The following MFSD2A variants were observed in gnomAD, a reference collection of about 807,000 sequenced individuals.
MFSD2A encodes the protein sodium-dependent lysophosphatidylcholine symporter 1.
A neutral mutation model predicts 64.7 loss-of-function variants in MFSD2A; 27 were observed. The ratio of observed to expected loss-of-function variants is 0.42; its 90% CI spans 0.31 to 0.58. The LOEUF (loss-of-function observed/expected upper bound fraction) is 0.58, where lower values mean the gene tolerates loss of function less well. Among genes scored for constraint, MFSD2A ranks in the 20% least tolerant of loss-of-function variants. The pLI is 0.18. For synonymous variants in MFSD2A, 258 were observed against 273.4 expected (o/e 0.94, Z 0.55); for missense variants, 474 against 679.5 (o/e 0.70, Z 3.36).
Position 39,967,804 on chromosome 1 carries a change from T to C in MFSD2A, c.1096T>C (p.Ser366Pro), listed in dbSNP as rs562830836. 4 of 1,612,828 alleles carry C rather than the reference T, an allele frequency of 2.5e-6. No individual in the cohort carries two copies. The African/African-American group carries it at 5.3e-5, about 22-fold the overall frequency. ...CATCTTCCTGCACCCCCTTCCCTAGTCAGCAGTGCCATTTCTCATCTTGGT... is the reference window on the plus strand; with the variant it reads ...CATCTTCCTGCACCCCCTTCCCTAGCCAGCAGTGCCATTTCTCATCTTGGT... ...KKTAVYVGISSAVPFLILVAL... is the reference protein window; with the variant it reads ...KKTAVYVGISPAVPFLILVAL... Residue 366 changes from serine to proline, a missense_variant and splice_region_variant, in exon 11 of 14, where the codon TCA becomes CCA. Transcript: ENST00000372811.
In MFSD2A at chr1:39,966,879, G is replaced by A. The variant is rs201045061; in HGVS notation, c.874G>A (p.Gly292Ser). ...GGGCCTACGGCTGGTCATGAGCCAC[G>A]GCCCATACATCAAACTTATTACTGG... ...FRGLRLVMSHGPYIKLITGFL... is the reference protein window; with the variant it reads ...FRGLRLVMSHSPYIKLITGFL... The change falls in exon 8 of 14, where the codon GGC becomes AGC. Residue 292 changes from glycine to serine, a missense_variant. Coordinates refer to ENST00000372811, the MANE Select transcript of MFSD2A (RefSeq NM_032793.5). 15 of 1,613,760 alleles carry A rather than the reference G, an allele frequency of 9.3e-6. 1 individual carries two copies. The highest frequency in any genetic ancestry group is 8.8e-5 in the South Asian group (8 of 91,076).
At position 39,956,351 on chromosome 1, in the gene MFSD2A, C is replaced by T. The variant is rs536333636; in HGVS notation, c.94-736C>T. On this transcript the variant is annotated intron_variant, in intron 1 of 13. Coordinates refer to ENST00000372811, the MANE Select transcript of MFSD2A (RefSeq NM_032793.5). ...TGCGCCTGCAGCCAGCTGGGCCGGG[C>T]CCCCGTAGCTCTCTAGAGCTCTCAC... is the stretch of plus-strand genomic sequence containing the variant. Among the ~76,000 whole-genome samples, 117 of 152,264 alleles carry T rather than the reference C, an allele frequency of 7.7e-4. 1 individual carries two copies. The highest frequency in any genetic ancestry group is 3.4e-3 in the Middle Eastern group (1 of 294).
In MFSD2A at chr1:39,965,030, C is replaced by G. The variant is rs549573788; in HGVS notation, c.354-181C>G. ...GGGTCCCAGTTCCCATCTGCCATTC[C>G]GGGCTTGGTCATCAGCCTCTTCCCA... On this transcript the variant is annotated intron_variant, in intron 3 of 13. Coordinates refer to ENST00000372811, the MANE Select transcript of MFSD2A (RefSeq NM_032793.5). This position sits in a 1 kb window ranked among gnomAD's most constrained non-coding sequence, Gnocchi z 5.5. The G allele has an allele frequency of 6.6e-6, 5 of 755,578 alleles. No homozygotes were observed. The highest frequency in any genetic ancestry group is 1.9e-5 in the South Asian group (1 of 53,352). 46.8% of individuals were successfully genotyped at this position (755,578 alleles called of 1,614,324 possible). A position where few individuals can be genotyped will look rare whatever the true frequency, so the allele number is the denominator to read the frequency against.
In MFSD2A at chr1:39,963,725, T is replaced by C. The variant is rs1645094645; in HGVS notation, c.354-1486T>C. On this transcript the variant is annotated intron_variant, in intron 3 of 13. Coordinates refer to ENST00000372811, the MANE Select transcript of MFSD2A (RefSeq NM_032793.5). The surrounding 1 kb of genome is among the most constrained non-coding windows in gnomAD (Gnocchi z 4.2). ...GTTTTAACATTCCACATTAAGGATG[T>C]AATAATCAAGGAGTTTGTTTGTTTG... Among the ~76,000 whole-genome samples the C allele has an allele frequency of 2.0e-5, 3 of 152,182 alleles. No individual in the cohort carries two copies. The South Asian group carries it at 6.2e-4, about 31-fold the overall frequency.
Position 39,965,487 on chromosome 1 carries a change from A to G in MFSD2A, c.494A>G (p.Tyr165Cys). 6.2e-7 allele frequency: 1 copy of G among 1,613,154 alleles called. No individual in the cohort carries two copies. The highest frequency in any genetic ancestry group is 8.5e-7 in the Non-Finnish European group (1 of 1,179,822). Residue 165 changes from tyrosine to cysteine, a missense_variant, in exon 5 of 14, where the codon TAC becomes TGC. Physicochemically the swap from Tyr to Cys is radical, Grantham distance 194 (BLOSUM62 -2). Transcript: ENST00000372811. The surrounding 1 kb of genome is among the most constrained non-coding windows in gnomAD (Gnocchi z 5.5). Reference sequence around the variant, plus strand: ...CTATGCCAGTGTTTCCATGTTCCCTACTCGGCTCTCACCATGTTCATCAGC... The same window carrying G: ...CTATGCCAGTGTTTCCATGTTCCCTGCTCGGCTCTCACCATGTTCATCAGC... ...ETMVTCFHVP[Y>C]SALTMFISTE...
At chr1:39,961,032 C>A (rs1433506298) in intron 3 of MFSD2A, among the ~76,000 whole-genome samples, 3 of 152,098 alleles carry the variant, frequency 2.0e-5, no homozygotes, top group African/African-American at 7.2e-5. Flanking sequence ...TCAGGCTGGT[C>A]TCAAACTCCT....
intron 10 of MFSD2A, 46 bp from the exon 11 acceptor site, chr1:39,967,758 G>A (rs1645194767): frequency 6.2e-7 from 1 of 1,606,702 alleles, no homozygotes; most frequent in Non-Finnish European, 8.5e-7. Context: ...GGGATGTCTG[G>A]TGGGAACCTC....
intron 3 of MFSD2A, among the ~76,000 whole-genome samples, chr1:39,959,413 A>T (rs1570239856): frequency 6.6e-6 from 1 of 151,610 alleles, no homozygotes; most frequent in East Asian, 1.9e-4. Flanking sequence ...ACACCTGGCT[A>T]ATCTTTTAAA....
rs1645090305 is a variant in MFSD2A at position 39,963,503 on chromosome 1, C to G, written c.354-1708C>G. On this transcript the variant is annotated intron_variant, in intron 3 of 13. Transcript: ENST00000372811. This position sits in a 1 kb window ranked among gnomAD's most constrained non-coding sequence, Gnocchi z 4.2. Reference sequence around the variant, plus strand: ...TGTTGCACAGGCTGGACTCAAACTCCTGGGGAAAAGCAATCCTCTTGCCTC... The same window carrying G: ...TGTTGCACAGGCTGGACTCAAACTCGTGGGGAAAAGCAATCCTCTTGCCTC... The G allele has an allele frequency of 2.2e-6, 1 of 450,450 alleles. No individual in the cohort carries two copies. Among genetic ancestry groups the G allele is most frequent in the Admixed American group, 3.9e-5 (1 of 25,700 alleles). The allele number at this position is 450,450 out of a possible 1,614,324, so 27.9% of individuals were successfully genotyped here.
Position 39,969,609 on chromosome 1 carries a change from A to G in MFSD2A, c.*41A>G. 6.3e-7 allele frequency: 1 copy of G among 1,580,958 alleles called. No homozygotes were observed. The highest frequency in any genetic ancestry group is 1.1e-5 in the South Asian group (1 of 88,598). On this transcript the variant is annotated 3_prime_UTR_variant, in exon 14 of 14. Transcript: ENST00000372811. ...CCGAAGCCACCATGCAGAAGGCCAC[A>G]GAAGGGATCAGGACCTGTCTGCCGG...
At position 39,960,954 on chromosome 1, in the gene MFSD2A, G is replaced by A. The variant is rs1056697753; in HGVS notation, c.353+2129G>A. On this transcript the variant is annotated intron_variant, in intron 3 of 13. Coordinates refer to ENST00000372811, the MANE Select transcript of MFSD2A (RefSeq NM_032793.5). This position sits in a 1 kb window ranked among gnomAD's most constrained non-coding sequence, Gnocchi z 4.8. ...GGGATGGCTCGTGGGCTGAAGGCTG[G>A]TGTGCATATGACCTCCCTGTCCAAA... Among the ~76,000 whole-genome samples the A allele has an allele frequency of 3.3e-5, 5 of 152,172 alleles. No individual in the cohort carries two copies. The highest frequency in any genetic ancestry group is 7.4e-5 in the Non-Finnish European group (5 of 68,026).
chr1:39,957,031 C>T (rs779040822), intron 1 of MFSD2A, 56 bp from the exon 2 acceptor site: 217 of 1,589,840 alleles, frequency 1.4e-4, no homozygotes, highest in Admixed American at 9.3e-4. Flanking sequence ...TCCTGTGGAA[C>T]CTTCTTGGAT....
chr1:39,965,655 AC>A lies in MFSD2A; in HGVS notation c.556+108del. On this transcript the variant is annotated intron_variant, in intron 5 of 13. Coordinates refer to ENST00000372811, the MANE Select transcript of MFSD2A (RefSeq NM_032793.5). This position sits in a 1 kb window ranked among gnomAD's most constrained non-coding sequence, Gnocchi z 5.5. The stretch of plus-strand genomic sequence containing the variant: ...CTCTGCTCTAGAGTGTGGGTGTGAA[AC>A]CATCTTAAAAATAACTCAATCCCCT... 2 of 1,328,078 alleles carry A rather than the reference AC, an allele frequency of 1.5e-6. No individual in the cohort carries two copies. Among genetic ancestry groups the A allele is most frequent in the Non-Finnish European group, 2.1e-6 (2 of 934,800 alleles). 82.3% of individuals were successfully genotyped at this position (1,328,078 alleles called of 1,614,324 possible). A position where few individuals can be genotyped will look rare whatever the true frequency, so the allele number is the denominator to read the frequency against.
At chr1:39,956,732 T>C (rs1292977502) in intron 1 of MFSD2A, among the ~76,000 whole-genome samples, 1 of 151,820 alleles carries the variant, frequency 6.6e-6, no homozygotes, top group Non-Finnish European at 1.5e-5. Context: ...CTGGCTAACA[T>C]GGTGAAACCC....
Position 39,965,716 on chromosome 1 carries a change from C to T in MFSD2A, c.557-141C>T, listed in dbSNP as rs1195914555. The T allele has an allele frequency of 2.1e-5, 26 of 1,216,430 alleles. No individual in the cohort carries two copies. Among genetic ancestry groups the T allele is most frequent in the Middle Eastern group, 2.5e-4 (1 of 4,040 alleles). 75.4% of individuals were successfully genotyped at this position (1,216,430 alleles called of 1,614,324 possible). Reference sequence around the variant, plus strand: ...GATGAGACCTGGAGAGGTGCATATGCGTTCAAACCAAGGTGTCACCTACCC... The same window carrying T: ...GATGAGACCTGGAGAGGTGCATATGTGTTCAAACCAAGGTGTCACCTACCC... On this transcript the variant is annotated intron_variant, in intron 5 of 13. Transcript: ENST00000372811. This position sits in a 1 kb window ranked among gnomAD's most constrained non-coding sequence, Gnocchi z 5.5.
intron 11 of MFSD2A, 29 bp downstream of exon 11, chr1:39,967,945 G>A: frequency 7.0e-7 from 1 of 1,427,252 alleles, no homozygotes; most frequent in Non-Finnish European, 9.8e-7. Flanking sequence ...CCCTCCTCGG[G>A]TATCTCCAGC....
rs1003082008 is a variant in MFSD2A, at chr1:39,963,287, C to T, written c.354-1924C>T. On this transcript the variant is annotated intron_variant, in intron 3 of 13. Coordinates refer to ENST00000372811, the MANE Select transcript of MFSD2A (RefSeq NM_032793.5). This position sits in a 1 kb window ranked among gnomAD's most constrained non-coding sequence, Gnocchi z 4.2. ...GCACCTTTGATGCCATCTCTAAGAC[C>T]TACAGCTACCTGACCCCCGACCTCT... 7 of 1,381,154 alleles carry T rather than the reference C, an allele frequency of 5.1e-6. No homozygotes were observed. In the African/African-American group the frequency reaches 9.9e-5, roughly 20 times the overall value. 85.6% of individuals were successfully genotyped at this position (1,381,154 alleles called of 1,614,324 possible).
At chr1:39,957,323 G>GGAAA in intron 2 of MFSD2A, 102 bp downstream of exon 2, 1 of 1,253,786 alleles carries the variant, frequency 8.0e-7, no homozygotes, top group Non-Finnish European at 1.1e-6. Flanking sequence ...TGTGAAATGG[G>GGAAA]ACCCCAAATC....
chr1:39,967,096 G>T lies in MFSD2A; in HGVS notation c.938G>T (p.Gly313Val). 1 of 1,614,014 alleles carries T rather than the reference G, an allele frequency of 6.2e-7. No individual in the cohort carries two copies. ...FTSLAFMLVE[G>V]NFVLFCTYTL... ...TTGCTCCATGCCCAGCTGGTGGAGG[G>T]GAACTTTGTCTTGTTTTGCACCTAC... The change falls in exon 9 of 14, where the codon GGG becomes GTG. Residue 313 changes from glycine (G) to valine (V), a missense_variant. Physicochemically the swap from Gly to Val is moderately radical, Grantham distance 109 (BLOSUM62 -3). Coordinates refer to ENST00000372811, the MANE Select transcript of MFSD2A (RefSeq NM_032793.5).
Sources: allele counts gnomAD v4.1 joint callset (sites outside exome capture counted in the v4.1 genomes callset), GRCh38; gene constraint gnomAD v4.1.1; non-coding constraint Gnocchi (gnomAD v3.1); transcripts MANE v1.5; gene names NCBI Gene and HGNC (gene_info 2026-07-23, HGNC 2026-07-21).